ZNF148: variants seen among roughly 807,000 people sequenced by gnomAD.
ZNF148 encodes the protein Beta-Enolase Repressor Factor-1.
ZNF148 carries 7 observed loss-of-function variants against 67.7 expected under a neutral mutation model. The ratio of observed to expected loss-of-function variants is 0.10; its 90% CI spans 0.06 to 0.19. The LOEUF is 0.19. Ranked by LOEUF, ZNF148 falls within the 10% of genes least tolerant of loss-of-function variation. ZNF148 has a pLI of 1.00. For missense variants in ZNF148, 583 were observed against 947.1 expected (o/e 0.62, Z 5.05); for synonymous variants, 333 against 330.7 (o/e 1.01, Z -0.08).
chr3:125,356,319 A>C (rs1487669426), intron 1 of ZNF148, among the ~76,000 whole-genome samples: 1 of 152,212 alleles, frequency 6.6e-6, no homozygotes. Flanking sequence ...CAGACTGGGC[A>C]TAAGAGACCC....
At chr3:125,350,150 A>G (rs1469253833) in intron 1 of ZNF148, among the ~76,000 whole-genome samples, 1 of 92,364 alleles carries the variant, frequency 1.1e-5, no homozygotes, top group Non-Finnish European at 2.1e-5. Context: ...AAGAATTGAT[A>G]ATGGGTTTTG....
At chr3:125,337,828 A>C (rs1941558066) in intron 1 of ZNF148, among the ~76,000 whole-genome samples, 1 of 152,206 alleles carries the variant, frequency 6.6e-6, no homozygotes, top group Non-Finnish European at 1.5e-5. Context: ...AAGGCCAGGC[A>C]CAGCAGTTCA....
intron 4 of ZNF148, among the ~76,000 whole-genome samples, chr3:125,308,818 A>T (rs62270346): frequency 6.6e-6 from 1 of 151,926 alleles, no homozygotes. Flanking sequence ...CACTTTATTC[A>T]TAGTAATTGA....
chr3:125,235,652 G>A (rs1217150127), intron 7 of ZNF148, among the ~76,000 whole-genome samples: 1 of 151,942 alleles, frequency 6.6e-6, no homozygotes, highest in African/African-American at 2.4e-5. Flanking sequence ...AAATTACTGA[G>A]TTGTTTACTG....
chr3:125,368,742 C>T (rs143657132), intron 1 of ZNF148, among the ~76,000 whole-genome samples: 1,939 of 152,002 alleles, frequency 0.013, 41 homozygotes, highest in African/African-American at 0.043. Context: ...GCCAGGAGTT[C>T]GACACCAGCC....
At chr3:125,348,309 G>A (rs747354917) in intron 1 of ZNF148, among the ~76,000 whole-genome samples, 1 of 151,308 alleles carries the variant, frequency 6.6e-6, no homozygotes, top group Non-Finnish European at 1.5e-5. Context: ...AGTAACAGGT[G>A]AAGCTTCAAA....
chr3:125,258,038 T>C (rs16836673), intron 7 of ZNF148, among the ~76,000 whole-genome samples: 14,551 of 152,264 alleles, frequency 0.096, 858 homozygotes, highest in Middle Eastern at 0.14. Flanking sequence ...TATGGACTTT[T>C]AGATTATTTA....
intron 1 of ZNF148, among the ~76,000 whole-genome samples, chr3:125,341,183 A>G (rs192162913): frequency 1.1e-4 from 17 of 151,912 alleles, no homozygotes; most frequent in Admixed American, 9.8e-4. Flanking sequence ...TGAAAAAAAA[A>G]ACAGCCATAA....
chr3:125,362,715 C>T (rs1413908216), intron 1 of ZNF148, among the ~76,000 whole-genome samples: 1 of 152,002 alleles, frequency 6.6e-6, no homozygotes, highest in Non-Finnish European at 1.5e-5. Context: ...CCACCACACC[C>T]AGCAAAGTTT....
At chr3:125,360,161 A>G (rs1942492174) in intron 1 of ZNF148, among the ~76,000 whole-genome samples, 1 of 152,084 alleles carries the variant, frequency 6.6e-6, no homozygotes, top group Non-Finnish European at 1.5e-5. Flanking sequence ...TACAACTTCA[A>G]CTTCCTCATT....
chr3:125,234,068 C>A, intron 8 of ZNF148, 129 bp from the exon 9 acceptor site: 1 of 1,309,776 alleles, frequency 7.6e-7, no homozygotes, highest in Admixed American at 2.9e-5. Flanking sequence ...AACAAATTCA[C>A]TGAGCCAATT....
chr3:125,273,695 T>C (rs1379011529), intron 7 of ZNF148, among the ~76,000 whole-genome samples: 2 of 152,124 alleles, frequency 1.3e-5, no homozygotes, highest in Non-Finnish European at 2.9e-5. Flanking sequence ...GGTTTCACTA[T>C]GTTCTCAAAC....
intron 7 of ZNF148, among the ~76,000 whole-genome samples, chr3:125,264,098 C>T (rs1937465987): frequency 6.6e-6 from 1 of 152,202 alleles, no homozygotes; most frequent in African/African-American, 2.4e-5. Flanking sequence ...TACTTGGGAC[C>T]CTTCCAGACC....
chr3:125,266,922 CT>C (rs1391299946), intron 7 of ZNF148, among the ~76,000 whole-genome samples: 1 of 152,038 alleles, frequency 6.6e-6, no homozygotes, highest in Non-Finnish European at 1.5e-5. Context: ...ATGAACACCC[CT>C]ATACACACAA....
At chr3:125,245,410 T>C (rs1422378215) in intron 7 of ZNF148, among the ~76,000 whole-genome samples, 2 of 152,194 alleles carry the variant, frequency 1.3e-5, no homozygotes, top group African/African-American at 4.8e-5. Context: ...CCTTCCACCA[T>C]GATTGCAAGT....
At chr3:125,374,117 G>A (rs1942981702) in intron 1 of ZNF148, among the ~76,000 whole-genome samples, 1 of 152,114 alleles carries the variant, frequency 6.6e-6, no homozygotes. Flanking sequence ...CTCAAGGTCT[G>A]CTTCAGAGGT....
chr3:125,261,605 A>AAGGACT (rs1937343410), intron 7 of ZNF148, among the ~76,000 whole-genome samples: 1 of 152,162 alleles, frequency 6.6e-6, no homozygotes, highest in Non-Finnish European at 1.5e-5. Flanking sequence ...TGTGAAGACA[A>AAGGACT]AGGACTGTTG....
At chr3:125,294,143 C>T (rs1054413558) in intron 4 of ZNF148, among the ~76,000 whole-genome samples, 8 of 152,134 alleles carry the variant, frequency 5.3e-5, no homozygotes, top group Non-Finnish European at 1.2e-4. Flanking sequence ...ACCAGAGAAG[C>T]TCAAATTAAG....
intron 1 of ZNF148, among the ~76,000 whole-genome samples, chr3:125,358,221 G>T (rs1942427300): frequency 6.6e-6 from 1 of 152,116 alleles, no homozygotes; most frequent in Admixed American, 6.5e-5. Flanking sequence ...GCTGAGACAG[G>T]AGAATCGCTT....
Sources: gnomAD v4.1 joint callset for allele counts (sites outside exome capture counted in the v4.1 genomes callset) on GRCh38, gnomAD v4.1.1 for gene constraint, MANE v1.5 for transcripts, NCBI Gene and HGNC (gene_info 2026-07-23, HGNC 2026-07-21) for gene names.